CLIP2: variants seen among roughly 807,000 people sequenced by gnomAD.
The protein encoded by CLIP2 is CAP-Gly domain-containing linker protein 2.
Under a neutral mutation model 111.7 loss-of-function variants are expected in CLIP2, and 41 were observed. That is an observed-to-expected ratio of 0.37 (90% CI 0.29 to 0.48). CLIP2 has a LOEUF of 0.48. Ranked by LOEUF, CLIP2 falls within the 20% of genes least tolerant of loss-of-function variation. The pLI is 0.99. For missense variants in CLIP2, 1,160 were observed against 1,422.1 expected (o/e 0.82, Z 2.96); for synonymous variants, 660 against 644.2 (o/e 1.02, Z -0.37).
chr7:74,373,078 G>C (rs543052949), intron 9 of CLIP2, 42 bp downstream of exon 9: 1 of 1,175,580 alleles, frequency 8.5e-7, no homozygotes, highest in African/African-American at 1.5e-5. Context: ...CAGCCACCTT[G>C]CCCTTTGATG....
At chr7:74,304,007 G>A (rs1554727309) in intron 1 of CLIP2, among the ~76,000 whole-genome samples, 1 of 151,622 alleles carries the variant, frequency 6.6e-6, no homozygotes, top group African/African-American at 2.4e-5. Flanking sequence ...TCAAACTTCT[G>A]GACTCAAGCA....
chr7:74,354,104 A>G, intron 4 of CLIP2, 100 bp downstream of exon 4: 1 of 1,384,604 alleles, frequency 7.2e-7, no homozygotes, highest in Non-Finnish European at 9.9e-7. Context: ...AGTGTCCAGC[A>G]TGTAGTGTCA....
intron 1 of CLIP2, among the ~76,000 whole-genome samples, chr7:74,296,496 C>T (rs782441259): frequency 2.1e-5 from 3 of 144,702 alleles, no homozygotes; most frequent in Admixed American, 7.0e-5. Flanking sequence ...AGCAACAGAG[C>T]GACACTAAGA....
At chr7:74,390,776 G>A (rs1268259952) in intron 13 of CLIP2, among the ~76,000 whole-genome samples, 1 of 151,420 alleles carries the variant, frequency 6.6e-6, no homozygotes, top group Non-Finnish European at 1.5e-5. Context: ...GACTGGGCGG[G>A]GTGGCTTCTG....
intron 13 of CLIP2, among the ~76,000 whole-genome samples, chr7:74,393,555 C>T (rs564852500): frequency 2.6e-5 from 4 of 151,782 alleles, no homozygotes; most frequent in African/African-American, 9.7e-5. Context: ...ATGCTGGTCT[C>T]GAACTCCCGA....
intron 2 of CLIP2, among the ~76,000 whole-genome samples, chr7:74,336,358 A>G (rs1288958659): frequency 6.6e-6 from 1 of 152,104 alleles, no homozygotes; most frequent in Non-Finnish European, 1.5e-5. Context: ...GTGAGCCACC[A>G]TGCTCAGCAT....
intron 1 of CLIP2, among the ~76,000 whole-genome samples, 168 bp from the exon 2 acceptor site, chr7:74,317,312 A>G (rs1788808742): frequency 6.6e-6 from 1 of 152,096 alleles, no homozygotes; most frequent in Non-Finnish European, 1.5e-5. Context: ...GGTGAGTCTG[A>G]GAGCGGGAAT....
rs757266445 is a variant in CLIP2, at chr7:74,376,268, G to C, written c.1867G>C (p.Asp623His). 17 of 1,612,944 alleles carry C rather than the reference G, an allele frequency of 1.1e-5. No homozygotes were observed. Among genetic ancestry groups the C allele is most frequent in the Non-Finnish European group, 1.0e-5 (12 of 1,179,526 alleles). The change falls in exon 10 of 17, where the codon GAC becomes CAC. Residue 623 changes from aspartate (D) to histidine (H), a missense_variant. Around this residue, in one of 5 missense-constraint regions of CLIP2, gnomAD observed 676 missense variants for 777.8 expected, o/e 0.87. Transcript: ENST00000223398. The surrounding 1 kb of genome is among the most constrained non-coding windows in gnomAD (Gnocchi z 7.1). ...WKSKLDSLAS[D>H]HQKSLEDLKA... ...ATCCAAGCTGGACTCGCTGGCCTCG[G>C]ACCACCAGAAGTCCCTGGAGGACCT...
intron 9 of CLIP2, among the ~76,000 whole-genome samples, chr7:74,375,285 A>G (rs1380658029): frequency 2.0e-5 from 3 of 151,838 alleles, no homozygotes; most frequent in Admixed American, 2.0e-4. Context: ...GCGGTGGCTC[A>G]TGCCTATAAT....
chr7:74,358,586 A>C (rs1163833642), intron 6 of CLIP2, among the ~76,000 whole-genome samples: 1 of 145,796 alleles, frequency 6.9e-6, no homozygotes, highest in Admixed American at 6.8e-5. Flanking sequence ...TTTTTATTTT[A>C]TTTTTTTCTT....
chr7:74,373,065 C>G, intron 9 of CLIP2, 29 bp downstream of exon 9: 1 of 1,478,642 alleles, frequency 6.8e-7, no homozygotes, highest in Non-Finnish European at 9.2e-7. Flanking sequence ...CCGCCTGGCC[C>G]GCCAGCCACC....
chr7:74,321,935 T>C (rs1554730085), intron 2 of CLIP2, among the ~76,000 whole-genome samples: 1 of 151,314 alleles, frequency 6.6e-6, no homozygotes, highest in South Asian at 2.1e-4. Flanking sequence ...CCCAGACAGG[T>C]GTACCCTATT....
chr7:74,374,866 G>GT (rs1198180617), intron 9 of CLIP2, among the ~76,000 whole-genome samples: 1 of 152,170 alleles, frequency 6.6e-6, no homozygotes, highest in South Asian at 2.1e-4. Flanking sequence ...GATCAAGGTG[G>GT]TTTTTTGGAG....
intron 2 of CLIP2, among the ~76,000 whole-genome samples, chr7:74,321,986 CTTT>C (rs34549907): frequency 2.4e-5 from 3 of 125,420 alleles, no homozygotes; most frequent in Admixed American, 9.1e-5. Context: ...TTTATTTTTC[CTTT>C]TTTTTTTTTT....
chr7:74,297,036 T>A (rs1168695470), intron 1 of CLIP2, among the ~76,000 whole-genome samples: 1 of 152,190 alleles, frequency 6.6e-6, no homozygotes, highest in South Asian at 2.1e-4. Context: ...CACAGGTATC[T>A]GGGCTCCTGG....
intron 14 of CLIP2, among the ~76,000 whole-genome samples, chr7:74,398,917 A>G (rs1025406012): frequency 6.6e-6 from 1 of 152,194 alleles, no homozygotes; most frequent in Non-Finnish European, 1.5e-5. Context: ...ACTGGTGCCC[A>G]TGGGGCACAG....
At position 74,404,804 on chromosome 7, in the gene CLIP2, CAGAG is replaced by C. The variant is rs1374140611; in HGVS notation, c.*957_*960del. Reference sequence around the variant, plus strand: ...TGTACACACCACGTTCACACACACACAGAGGGACCACGTGTGCACGCATGACCGT... The same window carrying C: ...TGTACACACCACGTTCACACACACACGGACCACGTGTGCACGCATGACCGT... On this transcript the variant is annotated 3_prime_UTR_variant, in exon 17 of 17. Coordinates refer to ENST00000223398, the MANE Select transcript of CLIP2 (RefSeq NM_003388.5). The C allele has an allele frequency of 6.6e-6, 1 of 152,216 alleles. No homozygotes were observed. The highest frequency in any genetic ancestry group is 1.5e-5 in the Non-Finnish European group (1 of 68,062). 9.4% of individuals were successfully genotyped at this position (152,216 alleles called of 1,614,324 possible). A position where few individuals can be genotyped will look rare whatever the true frequency, so the allele number is the denominator to read the frequency against.
At chr7:74,289,988 G>A (rs1413402568) in intron 1 of CLIP2, among the ~76,000 whole-genome samples, 1 of 152,188 alleles carries the variant, frequency 6.6e-6, no homozygotes, top group Non-Finnish European at 1.5e-5. Flanking sequence ...GGCTATTCCC[G>A]GGCTGCGGGT....
chr7:74,296,848 G>C (rs1788184310), intron 1 of CLIP2, among the ~76,000 whole-genome samples: 1 of 151,592 alleles, frequency 6.6e-6, no homozygotes, highest in African/African-American at 2.4e-5. Context: ...CCTTGGCCTT[G>C]GACTTCCAGC....
Sources: gnomAD v4.1 joint callset for allele counts (sites outside exome capture counted in the v4.1 genomes callset) on GRCh38, gnomAD v4.1.1 for gene constraint, gnomAD v4.1.1 regional missense constraint, Gnocchi (gnomAD v3.1) non-coding constraint, MANE v1.5 for transcripts, NCBI Gene and HGNC (gene_info 2026-07-23, HGNC 2026-07-21) for gene names.